The following TNFSF4 variants were observed in gnomAD, a reference collection of about 807,000 sequenced individuals.
TNFSF4 encodes the protein tumor necrosis factor ligand superfamily member 4.
Under a neutral mutation model 7.3 loss-of-function variants are expected in TNFSF4, and 4 were observed. That is an observed-to-expected ratio of 0.55 (90% CI 0.27 to 1.25). TNFSF4 has a LOEUF of 1.25. Ranked by LOEUF, TNFSF4 falls within the 50% of genes most tolerant of loss-of-function variation. The pLI, the probability that TNFSF4 is intolerant of heterozygous loss-of-function variation, is 0.12. For missense variants in TNFSF4, 181 were observed against 208.8 expected (o/e 0.87, Z 0.82); for synonymous variants, 76 against 83.7 (o/e 0.91, Z 0.50).
At chr1:173,270,056 A>G in the TNFSF4 span, among the ~76,000 whole-genome samples, 4 of 152,162 alleles carry the variant, frequency 2.6e-5, no homozygotes, top group African/African-American at 7.2e-5. Flanking sequence ...TTGCTAACAG[A>G]GCAGGTGTGT....
the TNFSF4 span, among the ~76,000 whole-genome samples, chr1:173,284,323 G>A: frequency 6.6e-6 from 1 of 152,142 alleles, no homozygotes; most frequent in South Asian, 2.1e-4. Context: ...GCTAGACCCT[G>A]GATAAAACAG....
chr1:173,291,069 A>T, the TNFSF4 span, among the ~76,000 whole-genome samples: 1 of 152,182 alleles, frequency 6.6e-6, no homozygotes, highest in South Asian at 2.1e-4. Flanking sequence ...TATAAAGAAA[A>T]GCAGTTTATT....
At chr1:173,367,952 A>G in the TNFSF4 span, among the ~76,000 whole-genome samples, 1 of 152,180 alleles carries the variant, frequency 6.6e-6, no homozygotes, top group African/African-American at 2.4e-5. Flanking sequence ...GGCACCAATC[A>G]GCACTCTGTA....
the TNFSF4 span, among the ~76,000 whole-genome samples, chr1:173,334,298 C>G: frequency 6.6e-6 from 1 of 152,078 alleles, no homozygotes; most frequent in Non-Finnish European, 1.5e-5. Flanking sequence ...ATTAAATACT[C>G]CCAAATAACC....
the TNFSF4 span, among the ~76,000 whole-genome samples, chr1:173,350,091 C>T: frequency 6.6e-6 from 1 of 151,990 alleles, no homozygotes; most frequent in Non-Finnish European, 1.5e-5. Context: ...AGACCCATCA[C>T]ACTATAAATC....
the TNFSF4 span, among the ~76,000 whole-genome samples, chr1:173,231,726 C>A: frequency 6.6e-6 from 1 of 152,128 alleles, no homozygotes; most frequent in Non-Finnish European, 1.5e-5. Flanking sequence ...ATCATCTCAG[C>A]CCAAAATCTA....
chr1:173,338,973 C>A, the TNFSF4 span, among the ~76,000 whole-genome samples: 1 of 152,144 alleles, frequency 6.6e-6, no homozygotes, highest in Non-Finnish European at 1.5e-5. Context: ...TTCCTTCAGG[C>A]ATTCTTAGTA....
At chr1:173,226,269 T>C in the TNFSF4 span, among the ~76,000 whole-genome samples, 2 of 152,206 alleles carry the variant, frequency 1.3e-5, no homozygotes, top group Non-Finnish European at 2.9e-5. Context: ...CCAGATTTAC[T>C]GGCAGTTGGG....
the TNFSF4 span, among the ~76,000 whole-genome samples, chr1:173,342,169 C>T: frequency 6.6e-6 from 1 of 152,158 alleles, no homozygotes; most frequent in Admixed American, 6.5e-5. Flanking sequence ...GTAACAGGCA[C>T]AGATTCTACA....
At chr1:173,423,051 C>T in the TNFSF4 span, among the ~76,000 whole-genome samples, 2 of 150,856 alleles carry the variant, frequency 1.3e-5, no homozygotes, top group African/African-American at 4.9e-5. Context: ...TTACTGCAAC[C>T]TCCGCCTCCC....
chr1:173,259,182 G>A, the TNFSF4 span, among the ~76,000 whole-genome samples: 2 of 152,126 alleles, frequency 1.3e-5, no homozygotes, highest in East Asian at 3.9e-4. Context: ...CTCCACTGGT[G>A]ACACCTCCAG....
the TNFSF4 span, among the ~76,000 whole-genome samples, chr1:173,387,610 T>C: frequency 4.6e-5 from 7 of 152,236 alleles, no homozygotes; most frequent in African/African-American, 1.4e-4. Context: ...CTGAAACTGA[T>C]AGTCAATTGA....
the TNFSF4 span, among the ~76,000 whole-genome samples, chr1:173,402,741 C>G: frequency 2.0e-5 from 3 of 152,290 alleles, no homozygotes; most frequent in East Asian, 5.8e-4. Flanking sequence ...TCTGTAAGGA[C>G]AGAAAAGTAG....
chr1:173,348,321 C>T, the TNFSF4 span, among the ~76,000 whole-genome samples: 2 of 152,196 alleles, frequency 1.3e-5, no homozygotes, highest in African/African-American at 4.8e-5. Context: ...TTGATTCTCA[C>T]TCTCTCCTCT....
the TNFSF4 span, among the ~76,000 whole-genome samples, chr1:173,357,725 G>A: frequency 6.6e-6 from 1 of 152,012 alleles, no homozygotes; most frequent in Non-Finnish European, 1.5e-5. Context: ...AGAGAAGGGG[G>A]GTTTCTCCAT....
At chr1:173,395,026 AGATAGATAGATGATAG>A in the TNFSF4 span, among the ~76,000 whole-genome samples, 1 of 118,884 alleles carries the variant, frequency 8.4e-6, no homozygotes, top group East Asian at 2.6e-4. Context: ...ATAGATAGAT[AGATAGATAGATGATAG>A]ATAGATAGAT....
the TNFSF4 span, among the ~76,000 whole-genome samples, chr1:173,316,083 T>C: frequency 6.6e-6 from 1 of 152,180 alleles, no homozygotes; most frequent in African/African-American, 2.4e-5. Flanking sequence ...AGGACAAAAG[T>C]CCAATTTCAT....
chr1:173,426,597 A>G, the TNFSF4 span, among the ~76,000 whole-genome samples: 5 of 151,906 alleles, frequency 3.3e-5, no homozygotes, highest in South Asian at 1.0e-3. Context: ...TCATTTTTTA[A>G]ATTTTTATTT....
chr1:173,274,824 A>T, the TNFSF4 span, among the ~76,000 whole-genome samples: 1 of 152,144 alleles, frequency 6.6e-6, no homozygotes, highest in Admixed American at 6.6e-5. Context: ...AGTCAATTTG[A>T]TAAGTAAAAA....
Sources: allele counts gnomAD v4.1 joint callset (sites outside exome capture counted in the v4.1 genomes callset), GRCh38; gene constraint gnomAD v4.1.1; transcripts MANE v1.5; gene names NCBI Gene and HGNC (gene_info 2026-07-23, HGNC 2026-07-21).